The following IKBKB variants were observed in gnomAD, a reference collection of about 807,000 sequenced individuals.
IKBKB encodes the protein inhibitor of nuclear factor kappa-B kinase subunit beta.
In IKBKB, 42 loss-of-function variants were observed where a neutral mutation model predicts 113.6. The observed-to-expected ratio is 0.37, with a 90% CI of 0.29 to 0.48. The LOEUF (loss-of-function observed/expected upper bound fraction) is 0.48. Ranked by LOEUF, IKBKB falls within the 20% of genes least tolerant of loss-of-function variation. The probability of loss-of-function intolerance (pLI) is 0.99; values close to 1 mark genes in which losing one functional copy is unlikely to be tolerated. For missense variants in IKBKB, 673 were observed against 939.7 expected (o/e 0.72, Z 3.71); for synonymous variants, 296 against 361.3 (o/e 0.82, Z 2.05).
chr8:42,289,742 C>T (rs1243935159), intron 3 of IKBKB, among the ~76,000 whole-genome samples: 1 of 152,158 alleles, frequency 6.6e-6, no homozygotes, highest in South Asian at 2.1e-4. Context: ...CGTGAACCAA[C>T]CTGCCGAAAA....
At chr8:42,311,572 AAAAAAAG>A (rs1056458914) in intron 8 of IKBKB, among the ~76,000 whole-genome samples, 1 of 151,030 alleles carries the variant, frequency 6.6e-6, no homozygotes, top group African/African-American at 2.4e-5. Context: ...CCAAAAAAAA[AAAAAAAG>A]AAAAAAGAAA....
intron 2 of IKBKB, among the ~76,000 whole-genome samples, chr8:42,288,145 G>A (rs959867746): frequency 1.3e-5 from 2 of 152,108 alleles, no homozygotes; most frequent in African/African-American, 4.8e-5. Context: ...CCAGCACATT[G>A]AGAGTGCGAG....
chr8:42,286,606 C>T (rs1354772006), intron 2 of IKBKB, among the ~76,000 whole-genome samples: 3 of 152,224 alleles, frequency 2.0e-5, no homozygotes, highest in African/African-American at 7.2e-5. Flanking sequence ...GCTAAGACTA[C>T]AGGTGCATGG....
At position 42,274,791 on chromosome 8, in the gene IKBKB, C is replaced by A. The variant is rs1305580105; in HGVS notation, c.105+2586C>A. ...TAGGTGATCCCCGCCGGCGCGCCCC[C>A]CCCCCCCCCCGCCATCCCAGCCTCC... On this transcript the variant is annotated intron_variant, in intron 2 of 21. Coordinates refer to ENST00000520810, the MANE Select transcript of IKBKB (RefSeq NM_001556.3). Among the ~76,000 whole-genome samples, 21 of 39,156 alleles carry A rather than the reference C, an allele frequency of 5.4e-4. 3 individuals carry two copies. The highest frequency in any genetic ancestry group is 3.5e-3 in the East Asian group (4 of 1,148). The allele number at this position is 39,156 out of a possible 152,430, so 25.7% of individuals were successfully genotyped here.
rs185488674 is a variant in IKBKB, at chr8:42,326,062, G to A, written c.2079G>A (p.Thr693=). 3.8e-5 allele frequency: 62 copies of A among 1,614,182 alleles called. No individual in the cohort carries two copies. The highest frequency in any genetic ancestry group is 4.7e-5 in the Non-Finnish European group (55 of 1,180,032). The change falls in exon 20 of 22, where the codon ACG becomes ACA. Residue 693 remains threonine (T), a synonymous_variant. Coordinates refer to ENST00000520810, the MANE Select transcript of IKBKB (RefSeq NM_001556.3). ...QPGQLMSQPS[T]ASNSLPEPAK... is the part of the protein sequence containing the mutation. ...GGCAGCTGATGTCTCAGCCCTCCAC[G>A]GCCTCCAACAGCTTACCTGAGCCAG... is the stretch of plus-strand genomic sequence containing the variant.
intron 2 of IKBKB, among the ~76,000 whole-genome samples, chr8:42,276,577 T>C (rs1410786935): frequency 1.3e-5 from 2 of 152,200 alleles, no homozygotes; most frequent in Admixed American, 1.3e-4. Context: ...GTTTTTTCTT[T>C]TGCTGTGCAG....
At chr8:42,302,798 A>G (rs970186735) in intron 5 of IKBKB, among the ~76,000 whole-genome samples, 3 of 151,654 alleles carry the variant, frequency 2.0e-5, no homozygotes, top group African/African-American at 7.3e-5. Context: ...AGCATTTTGG[A>G]TAAGAGATAC....
At chr8:42,308,541 G>A (rs184860246) in intron 7 of IKBKB, among the ~76,000 whole-genome samples, 140 of 152,060 alleles carry the variant, frequency 9.2e-4, no homozygotes, top group African/African-American at 3.2e-3. Flanking sequence ...CAAGTAATGC[G>A]CCTACCTCGG....
intron 8 of IKBKB, 117 bp downstream of exon 8, chr8:42,309,142 T>G (rs931633486): frequency 3.3e-6 from 4 of 1,213,408 alleles, no homozygotes; most frequent in Middle Eastern, 2.6e-4. Flanking sequence ...TTGTTTCTCT[T>G]CCGAGAGGAA....
chr8:42,279,998 G>A (rs746890652), intron 2 of IKBKB, among the ~76,000 whole-genome samples: 1 of 152,110 alleles, frequency 6.6e-6, no homozygotes, highest in African/African-American at 2.4e-5. Context: ...ACAGGCGTGA[G>A]ACACCACGCC....
chr8:42,322,083 A>G lies in IKBKB; in HGVS notation c.1768A>G (p.Met590Val), dbSNP rs201848482. The change falls in exon 18 of 22, where the codon ATG becomes GTG. Residue 590 changes from methionine (M) to valine (V), a missense_variant. Transcript: ENST00000520810. ...GCGAACTGAGGGTGACAGTCAGGAA[A>G]TGGTACGGCTGCTGCTTCAGGCAAT... ...DQRTEGDSQE[M>V]VRLLLQAIQS... The G allele has an allele frequency of 1.9e-6, 3 of 1,613,982 alleles. No homozygotes were observed. The highest frequency in any genetic ancestry group is 1.1e-5 in the South Asian group (1 of 91,070).
intron 8 of IKBKB, among the ~76,000 whole-genome samples, chr8:42,311,120 T>A (rs1194759755): frequency 6.6e-6 from 1 of 152,246 alleles, no homozygotes; most frequent in African/African-American, 2.4e-5. Flanking sequence ...GAAGGTCATA[T>A]AAATACACGT....
rs1443757982 is a variant in IKBKB at position 42,272,158 on chromosome 8, C to T, written c.58C>T (p.Arg20Cys). The T allele has an allele frequency of 1.2e-6, 2 of 1,614,154 alleles. No individual in the cohort carries two copies. The highest frequency in any genetic ancestry group is 1.3e-5 in the African/African-American group (1 of 75,024). Residue 20 changes from arginine to cysteine, a missense_variant, in exon 2 of 22, where the codon CGC becomes TGC. Physicochemically the swap from Arg to Cys is radical, Grantham distance 180. This residue lies in a region of IKBKB where 167 missense variants were observed against 301.0 expected (regional missense o/e 0.55). Transcript: ENST00000520810. ...ATGTGGGGCCTGGGAAATGAAAGAGCGCCTTGGGACAGGGGGATTTGGAAA... is the reference window on the plus strand; with the variant it reads ...ATGTGGGGCCTGGGAAATGAAAGAGTGCCTTGGGACAGGGGGATTTGGAAA... ...QTCGAWEMKE[R>C]LGTGGFGNVI...
chr8:42,300,382 C>T (rs1563327940), intron 5 of IKBKB, among the ~76,000 whole-genome samples: 1 of 152,196 alleles, frequency 6.6e-6, no homozygotes, highest in Non-Finnish European at 1.5e-5. Flanking sequence ...CTATCTCAGC[C>T]TTTTGGACCA....
intron 2 of IKBKB, among the ~76,000 whole-genome samples, chr8:42,276,765 G>A (rs1251244672): frequency 6.6e-6 from 1 of 151,172 alleles, no homozygotes; most frequent in Non-Finnish European, 1.5e-5. Context: ...TGCGATCTCG[G>A]GTCACTGCAG....
chr8:42,310,575 C>A (rs1229628936), intron 8 of IKBKB, among the ~76,000 whole-genome samples: 1 of 152,156 alleles, frequency 6.6e-6, no homozygotes, highest in East Asian at 1.9e-4. Context: ...TTATCTGCAA[C>A]ACAAAAAATT....
intron 8 of IKBKB, among the ~76,000 whole-genome samples, 163 bp downstream of exon 8, chr8:42,309,188 C>G (rs928448589): frequency 6.6e-6 from 1 of 152,182 alleles, no homozygotes; most frequent in Non-Finnish European, 1.5e-5. Flanking sequence ...GGGGAGTGGT[C>G]TGTGCTCCAA....
chr8:42,285,915 CG>C (rs1280795638), intron 2 of IKBKB, among the ~76,000 whole-genome samples: 1 of 152,064 alleles, frequency 6.6e-6, no homozygotes, highest in Non-Finnish European at 1.5e-5. Context: ...TAGAGGGGCT[CG>C]GGGAGTAGGG....
At chr8:42,279,021 T>A (rs1200290838) in intron 2 of IKBKB, among the ~76,000 whole-genome samples, 1 of 150,056 alleles carries the variant, frequency 6.7e-6, no homozygotes, top group East Asian at 1.9e-4. Context: ...AGAGAGAGAT[T>A]TAAGGGGTGG....
Sources: allele counts gnomAD v4.1 joint callset (sites outside exome capture counted in the v4.1 genomes callset), GRCh38; gene constraint gnomAD v4.1.1; regional missense constraint gnomAD v4.1.1; transcripts MANE v1.5; gene names NCBI Gene and HGNC (gene_info 2026-07-23, HGNC 2026-07-21).